The following TOR1AIP2 variants were observed in gnomAD, a reference collection of about 807,000 sequenced individuals.
TOR1AIP2 encodes torsin-1A-interacting protein 2.
Under a neutral mutation model 32.6 loss-of-function variants are expected in TOR1AIP2, and 20 were observed. The observed-to-expected ratio is 0.61, with a 90% CI of 0.43 to 0.89. The LOEUF (loss-of-function observed/expected upper bound fraction) is 0.89. TOR1AIP2 is among the 40% of genes least tolerant of loss of function. TOR1AIP2 has a pLI of 0.00. For synonymous variants in TOR1AIP2, 214 were observed against 210.8 expected (o/e 1.02, Z -0.13); for missense variants, 456 against 553.8 (o/e 0.82, Z 1.77).
intron 3 of TOR1AIP2, 39 bp from the exon 4 acceptor site, chr1:179,852,850 C>T (rs980993741): frequency 3.9e-6 from 5 of 1,297,036 alleles, no homozygotes; most frequent in Non-Finnish European, 5.0e-6. Context: ...ACTTTTTATC[C>T]ATACAAGGGA....
Position 179,841,824 on chromosome 1 carries a change from A to G in TOR1AIP2, c.*4247T>C, listed in dbSNP as rs898005021. 21 of 152,250 alleles carry G rather than the reference A, an allele frequency of 1.4e-4. No homozygotes were observed. The highest frequency in any genetic ancestry group is 5.1e-4 in the African/African-American group (21 of 41,468). 9.4% of individuals were successfully genotyped at this position (152,250 alleles called of 1,614,324 possible). A position where few individuals can be genotyped will look rare whatever the true frequency, so the allele number is the denominator to read the frequency against. On this transcript the variant is annotated 3_prime_UTR_variant, in exon 7 of 7. Transcript: ENST00000609928. ...GGTGAAGATCATCTGAATAATGATC[A>G]CTTTCACATGCCATATTAGTTATAT... is the stretch of plus-strand genomic sequence containing the variant.
At chr1:179,866,650 C>T (rs185495401) in intron 2 of TOR1AIP2, among the ~76,000 whole-genome samples, 174 of 152,282 alleles carry the variant, frequency 1.1e-3, no homozygotes, top group African/African-American at 4.1e-3. Context: ...GGTGATCCGC[C>T]CACCTTGGTT....
chr1:179,848,166 A>G (rs867187401), intron 5 of TOR1AIP2, among the ~76,000 whole-genome samples: 1 of 152,236 alleles, frequency 6.6e-6, no homozygotes, highest in Non-Finnish European at 1.5e-5. Flanking sequence ...TATATTCACA[A>G]TTCCTTACTG....
rs538536217 is a variant in TOR1AIP2 at position 179,856,627 on chromosome 1, T to TG, written c.-146-3817_-146-3816insC. Among the ~76,000 whole-genome samples the TG allele has an allele frequency of 2.6e-3, 403 of 152,198 alleles. 2 individuals carry two copies. The highest frequency in any genetic ancestry group is 9.4e-3 in the African/African-American group (392 of 41,510). ...GTTTCAGAGGCAGGTCAATCTTTTT[T>TG]TCCCCCCCAAGATAGAATCTCACTC... On this transcript the variant is annotated intron_variant, in intron 3 of 6. Coordinates refer to ENST00000609928, the MANE Select transcript of TOR1AIP2 (RefSeq NM_001199260.2).
Position 179,851,209 on chromosome 1 carries a change from A to G in TOR1AIP2, c.189T>C (p.Ser63=). ...HQEVETEGPE[S]ADTGDKSESP... Reference sequence around the variant, plus strand: ...TTTCTGATTTATCACCTGTATCTGCACTTTCTGGACCTTCTGTCTCTACCT... The same window carrying G: ...TTTCTGATTTATCACCTGTATCTGCGCTTTCTGGACCTTCTGTCTCTACCT... Residue 63 remains serine, a synonymous_variant, in exon 5 of 7, where the codon AGT becomes AGC. Coordinates refer to ENST00000609928, the MANE Select transcript of TOR1AIP2 (RefSeq NM_001199260.2). The G allele has an allele frequency of 6.2e-7, 1 of 1,610,242 alleles. No individual in the cohort carries two copies. Among genetic ancestry groups the G allele is most frequent in the Non-Finnish European group, 8.5e-7 (1 of 1,178,414 alleles).
At position 179,866,508 on chromosome 1, in the gene TOR1AIP2, G is replaced by C. The variant is rs555231213; in HGVS notation, c.-565-654C>G. On this transcript the variant is annotated intron_variant, in intron 2 of 6. Coordinates refer to ENST00000609928, the MANE Select transcript of TOR1AIP2 (RefSeq NM_001199260.2). ...GCTTACTGCAATCTCCGCCTCCTGG[G>C]TTCAAGCGATTCTCCTGCTTCAGCC... 2.6e-5 allele frequency among the ~76,000 whole-genome samples: 4 copies of C among 152,294 alleles called. No homozygotes were observed. The East Asian group carries it at 5.8e-4, about 22-fold the overall frequency.
chr1:179,871,342 A>C (rs1697002897), intron 2 of TOR1AIP2, among the ~76,000 whole-genome samples: 1 of 152,234 alleles, frequency 6.6e-6, no homozygotes, highest in Non-Finnish European at 1.5e-5. Flanking sequence ...TTAAAAGAAA[A>C]TTTAGAAAAG....
chr1:179,860,499 C>T, intron 3 of TOR1AIP2: 1 of 985,486 alleles, frequency 1.0e-6, no homozygotes, highest in Non-Finnish European at 1.2e-6. Flanking sequence ...CAAAACAAAA[C>T]AAGTAAGACT....
intron 5 of TOR1AIP2, among the ~76,000 whole-genome samples, chr1:179,848,050 A>AC (rs1481863196): frequency 1.3e-5 from 2 of 151,924 alleles, no homozygotes; most frequent in Non-Finnish European, 2.9e-5. Flanking sequence ...AAAAAAAAAA[A>AC]AACCAAAGTT....
intron 2 of TOR1AIP2, chr1:179,874,593 T>C (rs539417858): frequency 6.6e-6 from 1 of 152,092 alleles, no homozygotes; most frequent in Admixed American, 6.5e-5. Context: ...CGAGACCTTG[T>C]TCATACAAAA....
chr1:179,854,938 A>G (rs1385148747), intron 3 of TOR1AIP2, among the ~76,000 whole-genome samples: 2 of 152,184 alleles, frequency 1.3e-5, no homozygotes, highest in African/African-American at 2.4e-5. Context: ...GAATAGACAA[A>G]CAGTATACAG....
Position 179,845,896 on chromosome 1 carries a change from T to C in TOR1AIP2, c.*175A>G. 3.1e-6 allele frequency: 2 copies of C among 640,302 alleles called. No individual in the cohort carries two copies. Among genetic ancestry groups the C allele is most frequent in the African/African-American group, 1.8e-5 (1 of 54,646 alleles). The allele number at this position is 640,302 out of a possible 1,614,324, so 39.7% of individuals were successfully genotyped here. A position where few individuals can be genotyped will look rare whatever the true frequency, so the allele number is the denominator to read the frequency against. On this transcript the variant is annotated 3_prime_UTR_variant, in exon 7 of 7. Transcript: ENST00000609928. ...TTTTTAGCTTTGTCAAGGCTTAGAT[T>C]AGAAAGATTTTACAAGGAATAAAAA...
At chr1:179,855,748 G>C (rs1466017964) in intron 3 of TOR1AIP2, among the ~76,000 whole-genome samples, 1 of 152,124 alleles carries the variant, frequency 6.6e-6, no homozygotes, top group Non-Finnish European at 1.5e-5. Flanking sequence ...TGTTTAAAAT[G>C]AGGAAAAAAT....
intron 3 of TOR1AIP2, chr1:179,859,326 C>G: frequency 1.1e-6 from 1 of 877,634 alleles, no homozygotes; most frequent in Non-Finnish European, 1.4e-6. Flanking sequence ...GATGAGGAAA[C>G]TGAGATACAG....
chr1:179,865,795 C>T lies in TOR1AIP2; in HGVS notation c.-506G>A, dbSNP rs1471292561. 6.6e-6 allele frequency: 1 copy of T among 152,664 alleles called. No individual in the cohort carries two copies. Among genetic ancestry groups the T allele is most frequent in the Non-Finnish European group, 1.5e-5 (1 of 68,086 alleles). The allele number at this position is 152,664 out of a possible 1,614,324, so 9.5% of individuals were successfully genotyped here. ...TCTTGGGAGGACATTAATCAGGACC[C>T]AATTGCTGTGAAGAAGCTGATGCTC... is the stretch of plus-strand genomic sequence containing the variant. On this transcript the variant is annotated 5_prime_UTR_variant, in exon 3 of 7. Coordinates refer to ENST00000609928, the MANE Select transcript of TOR1AIP2 (RefSeq NM_001199260.2).
intron 3 of TOR1AIP2, chr1:179,859,818 T>G: frequency 4.1e-6 from 4 of 985,304 alleles, no homozygotes; most frequent in Non-Finnish European, 4.8e-6. Flanking sequence ...TCAGGAGAGA[T>G]TTAAGAAGTT....
chr1:179,854,792 A>G (rs1696236687), intron 3 of TOR1AIP2, among the ~76,000 whole-genome samples: 1 of 152,058 alleles, frequency 6.6e-6, no homozygotes, highest in African/African-American at 2.4e-5. Flanking sequence ...AATCGTTTGA[A>G]CCCGGGAGGC....
At position 179,847,643 on chromosome 1, in the gene TOR1AIP2, A is replaced by G; in HGVS notation, c.554-7T>C. The G allele has an allele frequency of 6.4e-7, 1 of 1,573,624 alleles. No individual in the cohort carries two copies. The highest frequency in any genetic ancestry group is 2.2e-5 in the East Asian group (1 of 44,630). On this transcript the variant is annotated splice_polypyrimidine_tract_variant and splice_region_variant and intron_variant, in intron 5 of 6. Coordinates refer to ENST00000609928, the MANE Select transcript of TOR1AIP2 (RefSeq NM_001199260.2). Reference sequence around the variant, plus strand: ...TGTGGATGACTTCCAGCCTCTGGAGAGGAAAAGAATCAATATTATTTTTAG... The same window carrying G: ...TGTGGATGACTTCCAGCCTCTGGAGGGGAAAAGAATCAATATTATTTTTAG...
intron 3 of TOR1AIP2, chr1:179,863,556 G>C (rs1696639804): frequency 1.0e-6 from 1 of 984,368 alleles, no homozygotes; most frequent in African/African-American, 1.8e-5. Context: ...AGGCCGGGTA[G>C]GGTGGCTCAC....
Sources: gnomAD v4.1 joint callset for allele counts (sites outside exome capture counted in the v4.1 genomes callset) on GRCh38, gnomAD v4.1.1 for gene constraint, MANE v1.5 for transcripts, NCBI Gene and HGNC (gene_info 2026-07-23, HGNC 2026-07-21) for gene names.